The following KCNIP4 variants were observed in gnomAD, a reference collection of about 807,000 sequenced individuals.
The protein encoded by KCNIP4 is potassium voltage-gated channel interacting protein 4.
Under a neutral mutation model 34.0 loss-of-function variants are expected in KCNIP4, and 12 were observed. The observed-to-expected ratio is 0.35, with a 90% confidence interval of 0.23 to 0.57. The LOEUF (loss-of-function observed/expected upper bound fraction) is 0.57, where lower values mean the gene tolerates loss of function less well. KCNIP4 is among the 20% of genes least tolerant of loss of function. The probability of loss-of-function intolerance (pLI) is 0.83; values close to 1 mark genes in which losing one functional copy is unlikely to be tolerated. For missense variants in KCNIP4, 238 were observed against 311.7 expected (o/e 0.76, Z 1.78); for synonymous variants, 124 against 102.2 (o/e 1.21, Z -1.29).
intron 1 of KCNIP4, among the ~76,000 whole-genome samples, chr4:21,642,580 T>A (rs1013980690): frequency 1.3e-5 from 2 of 152,172 alleles, no homozygotes; most frequent in African/African-American, 2.4e-5. Flanking sequence ...CTATTACAAC[T>A]GATGACCCAT....
At position 20,916,924 on chromosome 4, in the gene KCNIP4, C is replaced by T. The variant is rs1331332399; in HGVS notation, c.62-34215G>A. 4.8e-5 allele frequency among the ~76,000 whole-genome samples: 7 copies of T among 145,680 alleles called. No homozygotes were observed. In the South Asian group the frequency reaches 1.6e-3, roughly 33 times the overall value. On this transcript the variant is annotated intron_variant, in intron 1 of 8. Coordinates refer to ENST00000382152, the MANE Select transcript of KCNIP4 (RefSeq NM_025221.6). ...ATTTTATTTTTCCTTACCTCCCCTC[C>T]TGTCCTTTCCCTTTCATATTTTTTC...
chr4:21,676,485 C>T (rs1037144188), intron 1 of KCNIP4, among the ~76,000 whole-genome samples: 2 of 152,146 alleles, frequency 1.3e-5, no homozygotes, highest in African/African-American at 4.8e-5. Flanking sequence ...TCCTACTTTC[C>T]TCCCATTGCA....
intron 1 of KCNIP4, among the ~76,000 whole-genome samples, chr4:21,679,347 C>G (rs1488163732): frequency 5.9e-5 from 9 of 152,166 alleles, no homozygotes; most frequent in African/African-American, 1.9e-4. Flanking sequence ...AGGCTAAGAT[C>G]TTTTGTTTAT....
chr4:21,634,506 G>A (rs144483126), intron 1 of KCNIP4, among the ~76,000 whole-genome samples: 5 of 152,164 alleles, frequency 3.3e-5, no homozygotes, highest in Non-Finnish European at 4.4e-5. Flanking sequence ...CATTTAGACT[G>A]TGCAAACCTA....
intron 1 of KCNIP4, among the ~76,000 whole-genome samples, chr4:21,291,392 A>G (rs943727491): frequency 2.3e-5 from 3 of 128,574 alleles, no homozygotes; most frequent in African/African-American, 7.8e-5. Flanking sequence ...AGATGCACAT[A>G]CAAAATTATA....
intron 1 of KCNIP4, among the ~76,000 whole-genome samples, chr4:21,735,855 C>A (rs1715957952): frequency 6.6e-6 from 1 of 152,124 alleles, no homozygotes; most frequent in African/African-American, 2.4e-5. Context: ...CAAATGTGAC[C>A]ATTTGCTATC....
At chr4:21,174,613 T>C (rs573228679) in intron 1 of KCNIP4, among the ~76,000 whole-genome samples, 1 of 152,230 alleles carries the variant, frequency 6.6e-6, no homozygotes, top group East Asian at 1.9e-4. Flanking sequence ...AAAAATGCAT[T>C]AGTAGGCTGG....
At chr4:21,145,705 G>C (rs527670265) in intron 1 of KCNIP4, among the ~76,000 whole-genome samples, 1 of 152,288 alleles carries the variant, frequency 6.6e-6, no homozygotes, top group Admixed American at 6.5e-5. Context: ...TACCATACTG[G>C]TCTTGATTCA....
intron 1 of KCNIP4, among the ~76,000 whole-genome samples, chr4:21,387,221 T>C (rs1268699145): frequency 2.6e-5 from 4 of 152,162 alleles, no homozygotes; most frequent in African/African-American, 7.2e-5. Context: ...GTTTATTGTG[T>C]ATAGCTAAAC....
intron 1 of KCNIP4, among the ~76,000 whole-genome samples, chr4:21,764,164 T>C (rs1233310296): frequency 1.3e-5 from 2 of 152,258 alleles, no homozygotes; most frequent in Middle Eastern, 3.4e-3. Context: ...TTTTCCATAA[T>C]GGCTGGAGAT....
At chr4:21,397,674 A>G (rs563328841) in intron 1 of KCNIP4, among the ~76,000 whole-genome samples, 2 of 152,222 alleles carry the variant, frequency 1.3e-5, no homozygotes, top group Middle Eastern at 3.2e-3. Flanking sequence ...CTTCTGCCTG[A>G]TCCAATGATC....
chr4:21,468,787 T>C (rs913585362), intron 1 of KCNIP4, among the ~76,000 whole-genome samples: 5 of 152,176 alleles, frequency 3.3e-5, no homozygotes, highest in Non-Finnish European at 5.9e-5. Context: ...AACTCCACCT[T>C]AAAGCAAAAC....
At chr4:21,257,370 AC>A (rs1255939903) in intron 1 of KCNIP4, among the ~76,000 whole-genome samples, 1 of 151,910 alleles carries the variant, frequency 6.6e-6, no homozygotes, top group African/African-American at 2.4e-5. Context: ...CCTTAAGTGT[AC>A]CCCCCAGACA....
chr4:21,226,249 GGGA>G (rs1758378794), intron 1 of KCNIP4, among the ~76,000 whole-genome samples: 1 of 79,550 alleles, frequency 1.3e-5, no homozygotes, highest in Non-Finnish European at 2.1e-5. Context: ...GAGGGGGGGA[GGGA>G]GGGAGGGAGG....
chr4:21,894,495 C>T (rs1727270950), intron 1 of KCNIP4, among the ~76,000 whole-genome samples: 1 of 152,058 alleles, frequency 6.6e-6, no homozygotes, highest in African/African-American at 2.4e-5. Context: ...ATAGGTACAT[C>T]ATTTGTGACT....
At chr4:21,250,093 A>G (rs1760582892) in intron 1 of KCNIP4, among the ~76,000 whole-genome samples, 1 of 150,028 alleles carries the variant, frequency 6.7e-6, no homozygotes, top group South Asian at 2.1e-4. Context: ...TAAACTGTTC[A>G]GAAAGGGAGG....
At chr4:21,601,208 A>G (rs1234418228) in intron 1 of KCNIP4, among the ~76,000 whole-genome samples, 1 of 151,858 alleles carries the variant, frequency 6.6e-6, no homozygotes, top group Non-Finnish European at 1.5e-5. Context: ...ATCAAACCAA[A>G]TCTGATTATG....
chr4:21,145,017 T>C (rs963947737), intron 1 of KCNIP4, among the ~76,000 whole-genome samples: 1 of 152,182 alleles, frequency 6.6e-6, no homozygotes, highest in Non-Finnish European at 1.5e-5. Context: ...AAATGAAACA[T>C]TTATTCAGAA....
chr4:21,874,650 G>A (rs1725996238), intron 1 of KCNIP4, among the ~76,000 whole-genome samples: 1 of 151,952 alleles, frequency 6.6e-6, no homozygotes, highest in South Asian at 2.1e-4. Flanking sequence ...CTACTCCTTG[G>A]GTGCTACACC....
Sources: gnomAD v4.1 joint callset for allele counts (sites outside exome capture counted in the v4.1 genomes callset) on GRCh38, gnomAD v4.1.1 for gene constraint, MANE v1.5 for transcripts, NCBI Gene and HGNC (gene_info 2026-07-23, HGNC 2026-07-21) for gene names.